COL16A1: variants seen among roughly 807,000 people sequenced by gnomAD.
COL16A1 encodes collagen alpha-1(XVI) chain.
A neutral mutation model predicts 266.3 loss-of-function variants in COL16A1; 189 were observed. The observed-to-expected ratio is 0.71, with a 90% CI of 0.63 to 0.80. COL16A1 has a LOEUF of 0.80. Among genes scored for constraint, COL16A1 ranks in the 30% least tolerant of loss-of-function variants. The probability of loss-of-function intolerance (pLI) is 0.00; values close to 1 mark genes in which losing one functional copy is unlikely to be tolerated. For synonymous variants in COL16A1, 740 were observed against 782.3 expected, an observed-to-expected ratio of 0.95 and a Z score of 0.90; for missense variants, 1,928 against 2,122.4, an observed-to-expected ratio of 0.91 and a Z score of 1.80.
intron 49 of COL16A1, chr1:31,669,762 C>G (rs190356866): frequency 3.3e-5 from 5 of 152,292 alleles, no homozygotes; most frequent in Non-Finnish European, 5.9e-5. Context: ...GGTTAGTTTC[C>G]GTGACCCAGG....
chr1:31,659,650 C>T (rs1641469737), intron 62 of COL16A1: 1 of 152,636 alleles, frequency 6.6e-6, no homozygotes, highest in Admixed American at 6.5e-5. Context: ...CTCAACACCC[C>T]CAGGTGGCAC....
Position 31,685,530 on chromosome 1 carries a change from ACT to A in COL16A1, c.2016+107_2016+108del. 1.1e-6 allele frequency: 1 copy of A among 912,730 alleles called. No homozygotes were observed. Among genetic ancestry groups the A allele is most frequent in the Non-Finnish European group, 1.6e-6 (1 of 624,544 alleles). 56.5% of individuals were successfully genotyped at this position (912,730 alleles called of 1,614,324 possible). A position where few individuals can be genotyped will look rare whatever the true frequency, so the allele number is the denominator to read the frequency against. ...GCTCTGACCCCGCCACACCCTCCCC[ACT>A]ACCCCCAACTGCCCAGGGAGTCAAG... On this transcript the variant is annotated intron_variant, in intron 29 of 70. Coordinates refer to ENST00000373672, the MANE Select transcript of COL16A1 (RefSeq NM_001856.4). This position sits in a 1 kb window ranked among gnomAD's most constrained non-coding sequence, Gnocchi z 4.0.
chr1:31,661,339 G>T (rs1641643511), intron 60 of COL16A1, 75 bp downstream of exon 60: 4 of 1,608,946 alleles, frequency 2.5e-6, no homozygotes, highest in Non-Finnish European at 3.4e-6. Context: ...CCCAGGATAG[G>T]CTGCCATGTA....
chr1:31,679,997 G>A, intron 40 of COL16A1, 45 bp downstream of exon 40: 2 of 1,609,562 alleles, frequency 1.2e-6, no homozygotes, highest in Non-Finnish European at 1.7e-6. Context: ...GGCTGAAGCT[G>A]GTCCTCTCCC....
At position 31,681,056 on chromosome 1, in the gene COL16A1, C is replaced by T; in HGVS notation, c.2550G>A (p.Gly850=). 6.2e-7 allele frequency: 1 copy of T among 1,612,774 alleles called. No individual in the cohort carries two copies. The highest frequency in any genetic ancestry group is 1.1e-5 in the South Asian group (1 of 90,952). The change falls in exon 38 of 71, where the codon GGG becomes GGA. Residue 850 remains glycine (G), a synonymous_variant. Transcript: ENST00000373672. The part of the protein sequence containing the change: ...ASVSGPPGRD[G]QQGQTGLRGT... ...CTCTGAGTCCCGTCTGTCCTTGCTG[C>T]CCATCACGGCCCTGAAGAGAGAGAG...
chr1:31,654,148 C>A, intron 68 of COL16A1, 105 bp from the exon 69 acceptor site: 3 of 1,479,078 alleles, frequency 2.0e-6, no homozygotes, highest in Non-Finnish European at 2.7e-6. Flanking sequence ...CCACAGCAGC[C>A]TTCCTTCACA....
At chr1:31,695,870 A>C in intron 9 of COL16A1, 83 bp from the exon 10 acceptor site, 1 of 1,309,802 alleles carries the variant, frequency 7.6e-7, no homozygotes, top group Non-Finnish European at 1.1e-6. Context: ...CCCCCAAACC[A>C]ACAGGAGTGG....
intron 70 of COL16A1, 109 bp downstream of exon 70, chr1:31,653,486 TTGAC>T: frequency 7.9e-7 from 1 of 1,272,400 alleles, no homozygotes; most frequent in Non-Finnish European, 1.1e-6. Flanking sequence ...ATAAATGTGG[TTGAC>T]TGGCCTGTCG....
At chr1:31,659,231 C>T (rs943497411) in intron 62 of COL16A1, among the ~76,000 whole-genome samples, 9 of 152,296 alleles carry the variant, frequency 5.9e-5, no homozygotes, top group South Asian at 2.1e-4. Flanking sequence ...ATCTGAAAGC[C>T]GTGGCCAGAG....
Position 31,657,062 on chromosome 1 carries a change from G to T in COL16A1, c.4027C>A (p.Pro1343Thr). The change falls in exon 65 of 71, where the codon CCT becomes ACT. Residue 1343 changes from proline (P) to threonine (T), a missense_variant. Pro to Thr is a conservative substitution (Grantham distance 38). This residue lies in a region of COL16A1 where 376 missense variants were observed against 485.2 expected (regional missense o/e 0.77). Transcript: ENST00000373672. The surrounding 1 kb of genome is among the most constrained non-coding windows in gnomAD (Gnocchi z 6.4). ...TTGCCAGCTGCACCATCCGTACCAG[G>T]TTCGCCCTGGGGAGTAGAGAGCAAT... is the stretch of plus-strand genomic sequence containing the variant. ...PPGHPGPPGE[P>T]GTDGAAGKEG... 1.2e-6 allele frequency: 2 copies of T among 1,614,100 alleles called. No homozygotes were observed. The highest frequency in any genetic ancestry group is 1.1e-5 in the South Asian group (1 of 91,086).
In COL16A1 at chr1:31,652,479, C is replaced by T; in HGVS notation, c.*172G>A. The T allele has an allele frequency of 1.3e-6, 1 of 751,280 alleles. No individual in the cohort carries two copies. The highest frequency in any genetic ancestry group is 4.0e-5 in the Admixed American group (1 of 24,762). 46.5% of individuals were successfully genotyped at this position (751,280 alleles called of 1,614,324 possible). On this transcript the variant is annotated 3_prime_UTR_variant, in exon 71 of 71. Transcript: ENST00000373672. The surrounding 1 kb of genome is among the most constrained non-coding windows in gnomAD (Gnocchi z 4.8). ...CTCTGGCTGCAGCACCAGAGGAACC[C>T]ACTGGAAGGGAAAGGGCAGATAGTT... is the stretch of plus-strand genomic sequence containing the variant.
At position 31,667,620 on chromosome 1, in the gene COL16A1, C is replaced by A; in HGVS notation, c.3312G>T (p.Lys1104Asn). Residue 1104 changes from lysine to asparagine, a missense_variant, in exon 52 of 71, where the codon AAG (lysine) becomes AAT (asparagine). Coordinates refer to ENST00000373672, the MANE Select transcript of COL16A1 (RefSeq NM_001856.4). ...CTGACCCGGTGTAGCCACGCTCCCC[C>A]TTGATGCCCTGACAAGTGGCAAAGA... ...ATGPPGLPGI[K>N]GERGYTGSAG... The A allele has an allele frequency of 6.2e-7, 1 of 1,605,642 alleles. No homozygotes were observed. Among genetic ancestry groups the A allele is most frequent in the South Asian group, 1.1e-5 (1 of 89,266 alleles).
chr1:31,696,025 T>C (rs376005944), intron 9 of COL16A1, 63 bp downstream of exon 9: 5 of 1,432,750 alleles, frequency 3.5e-6, no homozygotes, highest in Non-Finnish European at 4.9e-6. Flanking sequence ...ATCCCTGGGG[T>C]TTACAGGGGC....
Position 31,656,317 on chromosome 1 carries a change from C to T in COL16A1, c.4101+83G>A, listed in dbSNP as rs1641142204. The T allele has an allele frequency of 1.9e-6, 3 of 1,568,876 alleles. No homozygotes were observed. The highest frequency in any genetic ancestry group is 2.3e-5 in the East Asian group (1 of 43,052). On this transcript the variant is annotated intron_variant, in intron 66 of 70. Coordinates refer to ENST00000373672, the MANE Select transcript of COL16A1 (RefSeq NM_001856.4). The surrounding 1 kb of genome is among the most constrained non-coding windows in gnomAD (Gnocchi z 4.2). ...GCCCACTGGCCTTCCTGTGTCTCCT[C>T]TCTGTGGCTAAAGCCGTAACTTGCA...
At chr1:31,679,215 C>A in intron 42 of COL16A1, 1 of 548,244 alleles carries the variant, frequency 1.8e-6, no homozygotes, top group South Asian at 2.8e-5. Context: ...ATATAAGCTC[C>A]AAGAGGGCAG....
In COL16A1 at chr1:31,691,407, G is replaced by A. The variant is rs757607753; in HGVS notation, c.1398+10C>T. On this transcript the variant is annotated intron_variant, in intron 19 of 70. Transcript: ENST00000373672. The stretch of plus-strand genomic sequence containing the variant: ...GAAAAGCACAGCAGGAGAAGCAAGG[G>A]GGTACTCACCGGGGTCCCAGGCAGT... 1 of 1,607,302 alleles carries A rather than the reference G, an allele frequency of 6.2e-7. No individual in the cohort carries two copies. The highest frequency in any genetic ancestry group is 2.2e-5 in the East Asian group (1 of 44,760).
At chr1:31,694,965 C>T (rs545555107) in intron 11 of COL16A1, among the ~76,000 whole-genome samples, 1 of 152,380 alleles carries the variant, frequency 6.6e-6, no homozygotes, top group Non-Finnish European at 1.5e-5. Context: ...CCCGAACACA[C>T]TGCAGATGAC....
At chr1:31,689,880 C>T (rs1644177119) in intron 22 of COL16A1, 29 bp from the exon 23 acceptor site, 1 of 1,602,960 alleles carries the variant, frequency 6.2e-7, no homozygotes, top group African/African-American at 1.3e-5. Context: ...AGTATGTGGA[C>T]AGGGTGGGGC....
Position 31,668,217 on chromosome 1 carries a change from C to T in COL16A1, c.3251G>A (p.Gly1084Asp). 1 of 1,613,480 alleles carries T rather than the reference C, an allele frequency of 6.2e-7. No homozygotes were observed. Among genetic ancestry groups the T allele is most frequent in the Non-Finnish European group, 8.5e-7 (1 of 1,179,654 alleles). The stretch of plus-strand genomic sequence containing the variant: ...TGGGTAACCTGGTTGCCCTGGAGGA[C>T]CCTGCAAAGAAAGGCAGACATGATG... ...TGLTGDKGEPGPPGQPGYPGA... is the reference protein window; with the variant it reads ...TGLTGDKGEPDPPGQPGYPGA... The change falls in exon 51 of 71, where the codon GGT (glycine) becomes GAT (aspartate). Residue 1084 changes from glycine to aspartate, a missense_variant and splice_region_variant. By Grantham distance (94) the Gly-to-Asp change is moderately conservative. This residue lies in a region of COL16A1 where 1,552 missense variants were observed against 1,637.2 expected (regional missense o/e 0.95). Transcript: ENST00000373672. The surrounding 1 kb of genome is among the most constrained non-coding windows in gnomAD (Gnocchi z 5.8).
Sources: gnomAD v4.1 joint callset for allele counts (sites outside exome capture counted in the v4.1 genomes callset) on GRCh38, gnomAD v4.1.1 for gene constraint, gnomAD v4.1.1 regional missense constraint, Gnocchi (gnomAD v3.1) non-coding constraint, MANE v1.5 for transcripts, NCBI Gene and HGNC (gene_info 2026-07-23, HGNC 2026-07-21) for gene names.